TRDMT1: variants seen among roughly 807,000 people sequenced by gnomAD.
TRDMT1 encodes tRNA aspartic acid methyltransferase 1.
TRDMT1 carries 49 observed loss-of-function variants against 51.2 expected under a neutral mutation model. That is an observed-to-expected ratio of 0.96 (90% confidence interval 0.76 to 1.21). The LOEUF (loss-of-function observed/expected upper bound fraction) is 1.21, where lower values mean the gene tolerates loss of function less well. Among genes scored for constraint, TRDMT1 ranks in the 50% most tolerant of loss-of-function variants. The pLI is 0.00. For missense variants in TRDMT1, 534 were observed against 462.3 expected (o/e 1.16, Z -1.42); for synonymous variants, 187 against 164.6 (o/e 1.14, Z -1.04).
chr10:17,155,439 G>T (rs1351894113), intron 8 of TRDMT1, among the ~76,000 whole-genome samples: 1 of 152,114 alleles, frequency 6.6e-6, no homozygotes, highest in Non-Finnish European at 1.5e-5. Context: ...AAAAGAAATT[G>T]CTGCCATTTT....
rs1837764874 is a variant in TRDMT1 at position 17,142,519 on chromosome 10, A to C, written c.*6521T>G. On this transcript the variant is annotated 3_prime_UTR_variant, in exon 11 of 11. Transcript: ENST00000377799. ...GAGTCTCAGGCTCAGGGTAATAAAA[A>C]ATCTTCCTGGGTTAGATGCTTTTTG... The C allele has an allele frequency of 6.6e-6, 1 of 152,152 alleles. No individual in the cohort carries two copies. The highest frequency in any genetic ancestry group is 2.4e-5 in the African/African-American group (1 of 41,432). 9.4% of individuals were successfully genotyped at this position (152,152 alleles called of 1,614,324 possible).
chr10:17,152,177 CTATT>C (rs1838831361), intron 10 of TRDMT1: 3 of 1,028,576 alleles, frequency 2.9e-6, no homozygotes, highest in Non-Finnish European at 3.8e-6. Context: ...CTCAGCTCTT[CTATT>C]TGTTTTGTAA....
intron 10 of TRDMT1, chr10:17,152,858 C>G (rs1225881006): frequency 6.6e-6 from 1 of 152,448 alleles, no homozygotes; most frequent in Non-Finnish European, 1.5e-5. Flanking sequence ...CCCATTTGTT[C>G]TTGAGATTCC....
At chr10:17,175,946 T>C (rs1842571100) in intron 1 of TRDMT1, among the ~76,000 whole-genome samples, 1 of 152,202 alleles carries the variant, frequency 6.6e-6, no homozygotes, top group Non-Finnish European at 1.5e-5. Flanking sequence ...GCAAACTTGG[T>C]GGTCTAATCA....
chr10:17,201,433 G>T, intron 1 of TRDMT1, 138 bp downstream of exon 1: 1 of 833,660 alleles, frequency 1.2e-6, no homozygotes, highest in Non-Finnish European at 1.8e-6. Context: ...CTGTTTCCAG[G>T]ACAACCGAGG....
intron 1 of TRDMT1, among the ~76,000 whole-genome samples, chr10:17,192,916 G>A (rs1456877643): frequency 1.3e-5 from 2 of 152,138 alleles, no homozygotes; most frequent in Non-Finnish European, 2.9e-5. Context: ...AAAATAATAA[G>A]AGCATCTATG....
chr10:17,152,054 A>G, intron 10 of TRDMT1: 2 of 1,301,846 alleles, frequency 1.5e-6, no homozygotes, highest in Non-Finnish European at 2.0e-6. Context: ...TTTTAATTGA[A>G]TAGTTAATCT....
chr10:17,193,915 A>G (rs968166467), intron 1 of TRDMT1, among the ~76,000 whole-genome samples: 3 of 152,222 alleles, frequency 2.0e-5, no homozygotes, highest in Admixed American at 1.3e-4. Flanking sequence ...AAACTATACT[A>G]TAAGACTACG....
Position 17,144,501 on chromosome 10 carries a change from T to C in TRDMT1, c.*4539A>G, listed in dbSNP as rs1490692501. On this transcript the variant is annotated 3_prime_UTR_variant, in exon 11 of 11. Coordinates refer to ENST00000377799, the MANE Select transcript of TRDMT1 (RefSeq NM_004412.7). ...TTTTGGAAGCTTTAGGAGTCAAGTG[T>C]GGTGTACTTGAGGGAGACTTCAGTA... is the stretch of plus-strand genomic sequence containing the variant. 1.0e-6 allele frequency: 1 copy of C among 985,630 alleles called. No individual in the cohort carries two copies. The highest frequency in any genetic ancestry group is 6.2e-5 in the Admixed American group (1 of 16,260). The allele number at this position is 985,630 out of a possible 1,614,324, so 61.1% of individuals were successfully genotyped here. A position where few individuals can be genotyped will look rare whatever the true frequency, so the allele number is the denominator to read the frequency against.
intron 1 of TRDMT1, among the ~76,000 whole-genome samples, chr10:17,183,168 A>G (rs1270076485): frequency 1.3e-5 from 2 of 152,226 alleles, no homozygotes; most frequent in Non-Finnish European, 2.9e-5. Flanking sequence ...GATAACATCC[A>G]TATTTACTGT....
rs1837838013 is a variant in TRDMT1 at position 17,143,369 on chromosome 10, T to C, written c.*5671A>G. Reference sequence around the variant, plus strand: ...ATGAAACATTTTCCATTTTTAAAACTCAGATCGTAACAGCTATTCAGCTTA... The same window carrying C: ...ATGAAACATTTTCCATTTTTAAAACCCAGATCGTAACAGCTATTCAGCTTA... On this transcript the variant is annotated 3_prime_UTR_variant, in exon 11 of 11. Transcript: ENST00000377799. 2.0e-6 allele frequency: 2 copies of C among 985,354 alleles called. No individual in the cohort carries two copies. Among genetic ancestry groups the C allele is most frequent in the Admixed American group, 6.1e-5 (1 of 16,268 alleles). 61.0% of individuals were successfully genotyped at this position (985,354 alleles called of 1,614,324 possible). A position where few individuals can be genotyped will look rare whatever the true frequency, so the allele number is the denominator to read the frequency against.
At chr10:17,159,785 T>C (rs1289559280) in intron 6 of TRDMT1, among the ~76,000 whole-genome samples, 1 of 151,984 alleles carries the variant, frequency 6.6e-6, no homozygotes, top group Admixed American at 6.6e-5. Context: ...ACAAGAACAA[T>C]AACAAAAAGC....
chr10:17,158,449 G>A (rs571428198), intron 7 of TRDMT1, among the ~76,000 whole-genome samples: 196 of 152,186 alleles, frequency 1.3e-3, no homozygotes, highest in Non-Finnish European at 2.6e-4. Flanking sequence ...TGGCTACTAT[G>A]GAAAGGGAGC....
At chr10:17,191,044 G>C (rs755694826) in intron 1 of TRDMT1, among the ~76,000 whole-genome samples, 1 of 152,212 alleles carries the variant, frequency 6.6e-6, no homozygotes, top group Non-Finnish European at 1.5e-5. Flanking sequence ...AGATATCAGG[G>C]AGAAGCACTT....
chr10:17,152,196 G>T, intron 10 of TRDMT1: 1 of 815,976 alleles, frequency 1.2e-6, no homozygotes, highest in Non-Finnish European at 1.7e-6. Context: ...TTGTAATGCT[G>T]TCACTCGTTT....
At chr10:17,177,194 T>TTATTTATTTATTTATG (rs1294284854) in intron 1 of TRDMT1, among the ~76,000 whole-genome samples, 50 of 150,004 alleles carry the variant, frequency 3.3e-4, no homozygotes, top group Non-Finnish European at 4.4e-5. Flanking sequence ...ATTTATTTAT[T>TTATTTATTTATTTATG]TATTTATTTA....
chr10:17,198,137 G>A (rs1038174827), intron 1 of TRDMT1, among the ~76,000 whole-genome samples: 1 of 152,126 alleles, frequency 6.6e-6, no homozygotes, highest in African/African-American at 2.4e-5. Flanking sequence ...CCATCAGAAT[G>A]GCTATTATTT....
intron 1 of TRDMT1, among the ~76,000 whole-genome samples, chr10:17,199,430 C>T (rs993152328): frequency 6.6e-6 from 1 of 152,238 alleles, no homozygotes. Flanking sequence ...ACAGCAAAAG[C>T]AAAGGCCAGA....
chr10:17,154,863 C>G (rs1839282235), intron 8 of TRDMT1, 129 bp from the exon 9 acceptor site: 1 of 730,896 alleles, frequency 1.4e-6, no homozygotes, highest in Admixed American at 3.4e-5. Flanking sequence ...AATAATGTCA[C>G]ATAAATATCC....
Sources: gnomAD v4.1 joint callset for allele counts (sites outside exome capture counted in the v4.1 genomes callset) on GRCh38, gnomAD v4.1.1 for gene constraint, MANE v1.5 for transcripts, NCBI Gene and HGNC (gene_info 2026-07-23, HGNC 2026-07-21) for gene names.